Variants in ZNF407 observed in about 807,000 individuals in gnomAD.
The protein encoded by ZNF407 is zinc finger protein 407.
ZNF407 carries 17 observed loss-of-function variants against 131.2 expected under a neutral mutation model. The ratio of observed to expected loss-of-function variants is 0.13; its 90% confidence interval spans 0.09 to 0.19. ZNF407 has a LOEUF of 0.19. Among genes scored for constraint, ZNF407 ranks in the 10% least tolerant of loss-of-function variants. The pLI, the probability that ZNF407 is intolerant of heterozygous loss-of-function variation, is 1.00. For synonymous variants in ZNF407, 1,156 were observed against 1,062.0 expected (o/e 1.09, Z -1.72); for missense variants, 2,681 against 2,830.6 (o/e 0.95, Z 1.20).
rs1285835613 is a variant in ZNF407 at position 74,697,180 on chromosome 18, A to G, written c.4802+56058A>G. 2.6e-5 allele frequency among the ~76,000 whole-genome samples: 4 copies of G among 152,194 alleles called. No individual in the cohort carries two copies. In the East Asian group the frequency reaches 5.8e-4, roughly 22 times the overall value. On this transcript the variant is annotated intron_variant, in intron 3 of 8. Transcript: ENST00000299687. ...CTCATAACTTGACATGGACGTTTGC[A>G]TTTCCCTCATCAACCTTCTTGATTC...
rs1984695228 is a variant in ZNF407, at chr18:74,641,141, T to C, written c.4802+19T>C. 1.3e-5 allele frequency: 20 copies of C among 1,581,512 alleles called. No individual in the cohort carries two copies. The highest frequency in any genetic ancestry group is 1.7e-5 in the Non-Finnish European group (20 of 1,150,620). ...TCTGTGGGTGAGTAAATTGAAGCCATCTCTGCTGCGTGAACCAGGAAGCAT... is the reference window on the plus strand; with the variant it reads ...TCTGTGGGTGAGTAAATTGAAGCCACCTCTGCTGCGTGAACCAGGAAGCAT... On this transcript the variant is annotated intron_variant, in intron 3 of 8. Transcript: ENST00000299687.
At chr18:74,948,226 G>A (rs980207602) in intron 8 of ZNF407, among the ~76,000 whole-genome samples, 1 of 152,112 alleles carries the variant, frequency 6.6e-6, no homozygotes, top group Non-Finnish European at 1.5e-5. Context: ...GTCTTTAATG[G>A]GAGCTTTTGC....
At chr18:74,792,255 A>C (rs924561169) in intron 4 of ZNF407, among the ~76,000 whole-genome samples, 1 of 152,066 alleles carries the variant, frequency 6.6e-6, no homozygotes, top group African/African-American at 2.4e-5. Context: ...TCGTTTTTTC[A>C]TGCTAATCAC....
At chr18:74,838,580 T>C (rs972018892) in intron 4 of ZNF407, among the ~76,000 whole-genome samples, 1 of 152,228 alleles carries the variant, frequency 6.6e-6, no homozygotes, top group African/African-American at 2.4e-5. Context: ...TTCACTTTTA[T>C]GGTAAGCTAC....
intron 6 of ZNF407, among the ~76,000 whole-genome samples, chr18:74,889,473 A>C (rs1280195758): frequency 6.6e-6 from 1 of 151,842 alleles, no homozygotes; most frequent in Non-Finnish European, 1.5e-5. Context: ...TTGTAGCTTG[A>C]TTTTATTTTT....
intron 8 of ZNF407, among the ~76,000 whole-genome samples, chr18:74,925,652 C>T (rs1251614459): frequency 6.6e-6 from 1 of 152,146 alleles, no homozygotes; most frequent in African/African-American, 2.4e-5. Context: ...AGTTGGATGC[C>T]CTGACACATG....
intron 3 of ZNF407, among the ~76,000 whole-genome samples, chr18:74,775,235 A>G (rs11661035): frequency 1.1e-3 from 171 of 152,108 alleles, no homozygotes; most frequent in Non-Finnish European, 2.0e-3. Flanking sequence ...TTCTTTACCT[A>G]TTTTGTCCCA....
chr18:75,020,272 GTGTGTGTATA>G (rs1450741819), intron 8 of ZNF407, among the ~76,000 whole-genome samples: 1 of 151,148 alleles, frequency 6.6e-6, no homozygotes, highest in Non-Finnish European at 1.5e-5. Flanking sequence ...ATATAGATAT[GTGTGTGTATA>G]TGTGTGTGTA....
In ZNF407 at chr18:74,710,346, T is replaced by G. The variant is rs78224755; in HGVS notation, c.4802+69224T>G. ...AGGGGTATTGACTTTCACTTTAATA[T>G]TTTCACTTTAAGCTTTTAATTGAGA... is the stretch of plus-strand genomic sequence containing the variant. On this transcript the variant is annotated intron_variant, in intron 3 of 8. Coordinates refer to ENST00000299687, the MANE Select transcript of ZNF407 (RefSeq NM_017757.3). Among the ~76,000 whole-genome samples, 661 of 152,342 alleles carry G rather than the reference T, an allele frequency of 4.3e-3. 7 individuals carry two copies. The highest frequency in any genetic ancestry group is 0.015 in the African/African-American group (624 of 41,582).
At chr18:74,691,026 C>A (rs1967209075) in intron 3 of ZNF407, among the ~76,000 whole-genome samples, 1 of 152,206 alleles carries the variant, frequency 6.6e-6, no homozygotes, top group African/African-American at 2.4e-5. Context: ...CGCCTGTAAT[C>A]CCAGCACTTT....
chr18:74,643,752 T>C (rs1200012209), intron 3 of ZNF407, among the ~76,000 whole-genome samples: 1 of 152,010 alleles, frequency 6.6e-6, no homozygotes, highest in African/African-American at 2.4e-5. Flanking sequence ...TAGATGATTT[T>C]GGATGCTCAT....
At chr18:74,954,538 T>A (rs1349795074) in intron 8 of ZNF407, among the ~76,000 whole-genome samples, 1 of 152,202 alleles carries the variant, frequency 6.6e-6, no homozygotes, top group African/African-American at 2.4e-5. Context: ...ATTATAATCA[T>A]GCAATAATTA....
intron 3 of ZNF407, among the ~76,000 whole-genome samples, chr18:74,680,395 T>G (rs1966954276): frequency 1.3e-5 from 1 of 79,836 alleles, no homozygotes; most frequent in Non-Finnish European, 2.6e-5. Flanking sequence ...GGTGAGACCT[T>G]GCCTTAAAAA....
Position 75,064,077 on chromosome 18 carries a change from A to G in ZNF407, c.6356A>G (p.Glu2119Gly). The G allele has an allele frequency of 6.3e-7, 1 of 1,589,014 alleles. No homozygotes were observed. The highest frequency in any genetic ancestry group is 8.6e-7 in the Non-Finnish European group (1 of 1,168,608). ...GGTGCCGTCCACATGGTCGCCGGGG[A>G]GGGTGCCCAGATCATCATGCAGGAG... is the stretch of plus-strand genomic sequence containing the variant. Reference protein sequence around the residue: ...EEGAVHMVAGEGAQIIMQEAQ... With the variant: ...EEGAVHMVAGGGAQIIMQEAQ... The change falls in exon 9 of 9, where the codon GAG becomes GGG. Residue 2119 changes from glutamate (E) to glycine (G), a missense_variant. Around this residue, in one of 6 missense-constraint regions of ZNF407, gnomAD observed 620 missense variants for 583.1 expected, o/e 1.06. Transcript: ENST00000299687.
At position 74,993,975 on chromosome 18, in the gene ZNF407, C is replaced by T. The variant is rs528760790; in HGVS notation, c.5429-69175C>T. On this transcript the variant is annotated intron_variant, in intron 8 of 8. Coordinates refer to ENST00000299687, the MANE Select transcript of ZNF407 (RefSeq NM_017757.3). ...CCAGAATAAAGGAGATTCACAGACA[C>T]GCCACATAATGCTGTGGTCCGGTTT... Among the ~76,000 whole-genome samples, 22 of 152,308 alleles carry T rather than the reference C, an allele frequency of 1.4e-4. No homozygotes were observed. The South Asian group carries it at 3.5e-3, about 24-fold the overall frequency.
At chr18:74,830,601 G>A (rs1047455764) in intron 4 of ZNF407, among the ~76,000 whole-genome samples, 1 of 152,136 alleles carries the variant, frequency 6.6e-6, no homozygotes, top group Non-Finnish European at 1.5e-5. Flanking sequence ...TTTAATTGAC[G>A]AATAATGTTT....
chr18:75,020,389 A>G (rs1345405987), intron 8 of ZNF407, among the ~76,000 whole-genome samples: 1 of 151,924 alleles, frequency 6.6e-6, no homozygotes, highest in Non-Finnish European at 1.5e-5. Context: ...GCATCCACTT[A>G]GGCTCACGGA....
At chr18:74,696,679 A>AATGT (rs769619702) in intron 3 of ZNF407, among the ~76,000 whole-genome samples, 26 of 152,142 alleles carry the variant, frequency 1.7e-4, no homozygotes, top group Admixed American at 1.4e-3. Context: ...CATACACATG[A>AATGT]ATGTATGTAT....
At chr18:74,673,624 A>C (rs1217438101) in intron 3 of ZNF407, among the ~76,000 whole-genome samples, 2 of 152,190 alleles carry the variant, frequency 1.3e-5, no homozygotes, top group Non-Finnish European at 2.9e-5. Context: ...ACTGCCTCCC[A>C]CAGACTGTGC....
Sources: allele counts gnomAD v4.1 joint callset (sites outside exome capture counted in the v4.1 genomes callset), GRCh38; gene constraint gnomAD v4.1.1; regional missense constraint gnomAD v4.1.1; transcripts MANE v1.5; gene names NCBI Gene and HGNC (gene_info 2026-07-23, HGNC 2026-07-21).